Variants in CUL9 observed in about 807,000 individuals in gnomAD.
CUL9 encodes cullin 9, also known as cullin-9.
CUL9 carries 79 observed loss-of-function variants against 272.6 expected under a neutral mutation model. That is an observed-to-expected ratio of 0.29 (90% CI 0.24 to 0.35). CUL9 has a LOEUF of 0.35. Among genes scored for constraint, CUL9 ranks in the 10% least tolerant of loss-of-function variants. The pLI, the probability that CUL9 is intolerant of heterozygous loss-of-function variation, is 1.00. For missense variants in CUL9, 2,532 were observed against 3,255.6 expected (o/e 0.78, Z 5.41); for synonymous variants, 1,186 against 1,286.5 (o/e 0.92, Z 1.67).
rs754490886 is a variant in CUL9 at position 43,223,407 on chromosome 6, G to T, written c.7284+10G>T. ...GCAGCATTCTGCCCAGGTACTGCCCGGCCCAGACCCCTTCTGCTCCTGCAT... is the reference window on the plus strand; with the variant it reads ...GCAGCATTCTGCCCAGGTACTGCCCTGCCCAGACCCCTTCTGCTCCTGCAT... On this transcript the variant is annotated intron_variant, in intron 39 of 40. Transcript: ENST00000252050. This position sits in a 1 kb window ranked among gnomAD's most constrained non-coding sequence, Gnocchi z 4.1. 3.8e-6 allele frequency: 6 copies of T among 1,584,120 alleles called. No homozygotes were observed. The highest frequency in any genetic ancestry group is 1.8e-5 in the Admixed American group (1 of 56,984).
At chr6:43,196,589 G>A in intron 10 of CUL9, 56 bp from the exon 11 acceptor site, 1 of 1,458,130 alleles carries the variant, frequency 6.9e-7, no homozygotes, top group Non-Finnish European at 9.6e-7. Context: ...TTGCTTTGCT[G>A]CTTCCATTGC....
intron 11 of CUL9, 144 bp downstream of exon 11, chr6:43,197,006 C>T (rs749586933): frequency 5.0e-5 from 34 of 678,260 alleles, no homozygotes; most frequent in Middle Eastern, 4.0e-4. Context: ...TAGAACTTCC[C>T]GACCAAGAAG....
rs762399621 is a variant in CUL9 at position 43,224,295 on chromosome 6, C to A, written c.7404C>A (p.Asp2468Glu). ...CAGAGGCAGAAGAGGAGGAGGAAGA[C>A]GATGAGGATGATGTGCCCGAGTGGC... ...SGPEAEEEEEDDEDDVPEWQQ... is the reference protein window; with the variant it reads ...SGPEAEEEEEEDEDDVPEWQQ... The change falls in exon 41 of 41, where the codon GAC becomes GAA. Residue 2468 changes from aspartate to glutamate, a missense_variant. Transcript: ENST00000252050. This position sits in a 1 kb window ranked among gnomAD's most constrained non-coding sequence, Gnocchi z 4.2. 4.3e-6 allele frequency: 7 copies of A among 1,614,050 alleles called. No homozygotes were observed. The highest frequency in any genetic ancestry group is 4.5e-5 in the East Asian group (2 of 44,894).
chr6:43,186,284 G>A lies in CUL9; in HGVS notation c.1080G>A (p.Gly360=), dbSNP rs1215713509. Residue 360 remains glycine, a synonymous_variant, in exon 4 of 41, where the codon GGG becomes GGA. Transcript: ENST00000252050. The part of the protein sequence containing the change: ...PTIVTTPRRQ[G]WVFRQRSEFS... Reference sequence around the variant, plus strand: ...TTGTCACCACCCCCAGAAGACAAGGGTGGGTCTTCCGCCAGCGCTCTGAAT... The same window carrying A: ...TTGTCACCACCCCCAGAAGACAAGGATGGGTCTTCCGCCAGCGCTCTGAAT... 5.0e-6 allele frequency: 8 copies of A among 1,614,132 alleles called. No individual in the cohort carries two copies. Among genetic ancestry groups the A allele is most frequent in the African/African-American group, 1.3e-5 (1 of 74,948 alleles).
chr6:43,188,299 TC>T (rs1773108347), intron 7 of CUL9, 181 bp downstream of exon 7: 2 of 795,852 alleles, frequency 2.5e-6, no homozygotes, highest in South Asian at 3.8e-5. Context: ...TAACCAGCGC[TC>T]CCTTCCTTCA....
Position 43,220,557 on chromosome 6 carries a change from C to T in CUL9, c.6381C>T (p.Ala2127=). ...ACTGCCCCGCCCAGCCCACCGGAGCCTTCATTCGTGCCATCGTCTCCTCGC... is the reference window on the plus strand; with the variant it reads ...ACTGCCCCGCCCAGCCCACCGGAGCTTTCATTCGTGCCATCGTCTCCTCGC... The part of the protein sequence containing the change: ...IADCPAQPTG[A]FIRAIVSSPE... Residue 2127 remains alanine (A), a synonymous_variant, in exon 32 of 41, where the codon GCC becomes GCT. Coordinates refer to ENST00000252050, the MANE Select transcript of CUL9 (RefSeq NM_015089.4). The surrounding 1 kb of genome is among the most constrained non-coding windows in gnomAD (Gnocchi z 4.9). The T allele has an allele frequency of 2.5e-6, 4 of 1,614,160 alleles. No homozygotes were observed. Among genetic ancestry groups the T allele is most frequent in the Middle Eastern group, 1.6e-4 (1 of 6,062 alleles).
At chr6:43,215,405 C>G in intron 30 of CUL9, 79 bp downstream of exon 30, 2 of 1,497,442 alleles carry the variant, frequency 1.3e-6, no homozygotes, top group South Asian at 1.3e-5. Flanking sequence ...TGGAGAAACA[C>G]TTCCCTTCTT....
Position 43,202,783 on chromosome 6 carries a change from G to C in CUL9, c.3715G>C (p.Gly1239Arg). Residue 1239 changes from glycine to arginine, a missense_variant, in exon 17 of 41, where the codon GGT becomes CGT. Physicochemically the swap from Gly to Arg is moderately radical, Grantham distance 125 (BLOSUM62 -2). Coordinates refer to ENST00000252050, the MANE Select transcript of CUL9 (RefSeq NM_015089.4). ...GCCAGCCAGGGTGGTGGTGTTTGGGGGTGACAGCACCAGCTGCATCGGCAC... is the reference window on the plus strand; with the variant it reads ...GCCAGCCAGGGTGGTGGTGTTTGGGCGTGACAGCACCAGCTGCATCGGCAC... Reference protein sequence around the residue: ...YMPARVVVFGGDSTSCIGTEL... With the variant: ...YMPARVVVFGRDSTSCIGTEL... 1 of 1,614,130 alleles carries C rather than the reference G, an allele frequency of 6.2e-7. No homozygotes were observed. The highest frequency in any genetic ancestry group is 8.5e-7 in the Non-Finnish European group (1 of 1,180,016).
chr6:43,205,453 G>A, intron 24 of CUL9, 30 bp downstream of exon 24: 1 of 1,604,376 alleles, frequency 6.2e-7, no homozygotes, highest in Admixed American at 1.7e-5. Context: ...CATAGGGGAT[G>A]GGAGGCCTAG....
At chr6:43,205,846 AGTG>A (rs1304671497) in intron 24 of CUL9, among the ~76,000 whole-genome samples, 158 bp from the exon 25 acceptor site, 20 of 150,778 alleles carry the variant, frequency 1.3e-4, no homozygotes, top group Non-Finnish European at 2.5e-4. Context: ...AAAAAAAAAA[AGTG>A]GAGGTGGTCA....
intron 26 of CUL9, among the ~76,000 whole-genome samples, chr6:43,207,261 A>G (rs1775125160): frequency 2.0e-5 from 3 of 152,186 alleles, no homozygotes; most frequent in Admixed American, 2.0e-4. Context: ...CATTTCCAGC[A>G]TCGTAGAAGG....
At chr6:43,207,861 C>T (rs1775170555) in intron 26 of CUL9, among the ~76,000 whole-genome samples, 1 of 152,144 alleles carries the variant, frequency 6.6e-6, no homozygotes, top group African/African-American at 2.4e-5. Flanking sequence ...CTACATATTT[C>T]ACCAAATTGA....
Position 43,199,999 on chromosome 6 carries a change from G to A in CUL9, c.3227G>A (p.Cys1076Tyr), listed in dbSNP as rs769540926. 222 of 1,614,212 alleles carry A rather than the reference G, an allele frequency of 1.4e-4. No homozygotes were observed. The Admixed American group carries it at 3.5e-3, about 26-fold the overall frequency. Residue 1076 changes from cysteine (C) to tyrosine (Y), a missense_variant, in exon 14 of 41, where the codon TGC becomes TAC. Transcript: ENST00000252050. The surrounding 1 kb of genome is among the most constrained non-coding windows in gnomAD (Gnocchi z 4.4). ...SMHKDYAVVL[C>Y]CLGAKEILSK... ...CATAAGGACTATGCTGTGGTGCTCT[G>A]CTGCCTGGGAGCAAAAGAGATCCTC...
intron 11 of CUL9, chr6:43,198,206 A>T: frequency 2.1e-6 from 2 of 966,556 alleles, no homozygotes; most frequent in Non-Finnish European, 2.5e-6. Context: ...ATGCCACTGC[A>T]CTCCAGCCTG....
chr6:43,199,233 GC>G lies in CUL9; in HGVS notation c.3051-31del, dbSNP rs747958654. ...TTACAGGCATGAGCCACTGTGCCTGGCCTGACTTCACTCGTTTCTACCCCCT... is the reference window on the plus strand; with the variant it reads ...TTACAGGCATGAGCCACTGTGCCTGGCTGACTTCACTCGTTTCTACCCCCT... On this transcript the variant is annotated intron_variant, in intron 12 of 40. Transcript: ENST00000252050. This position sits in a 1 kb window ranked among gnomAD's most constrained non-coding sequence, Gnocchi z 4.4. 224 of 1,556,704 alleles carry G rather than the reference GC, an allele frequency of 1.4e-4. No homozygotes were observed. Among genetic ancestry groups the G allele is most frequent in the Non-Finnish European group, 1.9e-4 (216 of 1,129,242 alleles).
At position 43,220,895 on chromosome 6, in the gene CUL9, A is replaced by G; in HGVS notation, c.6572A>G (p.Asn2191Ser). The change falls in exon 33 of 41, where the codon AAC (asparagine) becomes AGC (serine). Residue 2191 changes from asparagine (N) to serine (S), a missense_variant. By Grantham distance (46) the Asn-to-Ser change is conservative (BLOSUM62 1). Coordinates refer to ENST00000252050, the MANE Select transcript of CUL9 (RefSeq NM_015089.4). This position sits in a 1 kb window ranked among gnomAD's most constrained non-coding sequence, Gnocchi z 4.9. The stretch of plus-strand genomic sequence containing the variant: ...AAGTGTGGCTGGGCCTCTTGCTTCA[A>G]CTGTAGCTTCCCTGAGGTGGGAGCC... ...CSKCGWASCF[N>S]CSFPEAHYPA... 6.2e-7 allele frequency: 1 copy of G among 1,612,090 alleles called. No individual in the cohort carries two copies. The highest frequency in any genetic ancestry group is 1.1e-5 in the South Asian group (1 of 90,808).
At chr6:43,186,580 C>T (rs2150519941) in intron 4 of CUL9, 125 bp downstream of exon 4, 2 of 1,362,904 alleles carry the variant, frequency 1.5e-6, no homozygotes, top group Non-Finnish European at 9.8e-7. Flanking sequence ...TGGAATGATA[C>T]AAGGGGGTTG....
At position 43,185,992 on chromosome 6, in the gene CUL9, A is replaced by G. The variant is rs764405319; in HGVS notation, c.788A>G (p.Tyr263Cys). The G allele has an allele frequency of 1.9e-6, 3 of 1,613,324 alleles. No individual in the cohort carries two copies. The highest frequency in any genetic ancestry group is 1.7e-6 in the Non-Finnish European group (2 of 1,179,458). ...CTGCTTTTCTCCTTGGTGAAGCGCT[A>G]CCTTTGTGTCACGTCCCTCCTGGAT... Reference protein sequence around the residue: ...GKLLFSLVKRYLCVTSLLDQL... With the variant: ...GKLLFSLVKRCLCVTSLLDQL... Residue 263 changes from tyrosine to cysteine, a missense_variant, in exon 4 of 41, where the codon TAC becomes TGC. By Grantham distance (194) the Tyr-to-Cys change is radical. Around this residue, in one of 3 missense-constraint regions of CUL9, gnomAD observed 2,218 missense variants for 2,788.6 expected, o/e 0.80. Transcript: ENST00000252050.
Position 43,223,025 on chromosome 6 carries a change from C to A in CUL9, c.7150+129C>A. On this transcript the variant is annotated intron_variant, in intron 38 of 40. Transcript: ENST00000252050. This position sits in a 1 kb window ranked among gnomAD's most constrained non-coding sequence, Gnocchi z 4.1. ...TCCTCTTCCTCTTCATTCTTCATGGCCTTCTCACTGCCTGGCTGTTAAAGC... is the reference window on the plus strand; with the variant it reads ...TCCTCTTCCTCTTCATTCTTCATGGACTTCTCACTGCCTGGCTGTTAAAGC... 3.3e-6 allele frequency: 3 copies of A among 917,370 alleles called. No individual in the cohort carries two copies. The highest frequency in any genetic ancestry group is 2.2e-5 in the Admixed American group (1 of 44,828). The allele number at this position is 917,370 out of a possible 1,614,324, so 56.8% of individuals were successfully genotyped here.
Sources: gnomAD v4.1 joint callset for allele counts (sites outside exome capture counted in the v4.1 genomes callset) on GRCh38, gnomAD v4.1.1 for gene constraint, gnomAD v4.1.1 regional missense constraint, Gnocchi (gnomAD v3.1) non-coding constraint, MANE v1.5 for transcripts, NCBI Gene and HGNC (gene_info 2026-07-23, HGNC 2026-07-21) for gene names.